CAST: variants seen among roughly 807,000 people sequenced by gnomAD.
CAST encodes MIR583 host.
Under a neutral mutation model 119.6 loss-of-function variants are expected in CAST, and 76 were observed. The ratio of observed to expected loss-of-function variants is 0.64; its 90% CI spans 0.53 to 0.77. The LOEUF is 0.77. Among genes scored for constraint, CAST ranks in the 30% least tolerant of loss-of-function variants. CAST has a pLI of 0.00. For synonymous variants in CAST, 319 were observed against 331.6 expected, an observed-to-expected ratio of 0.96 and a Z score of 0.41; for missense variants, 953 against 946.5, an observed-to-expected ratio of 1.01 and a Z score of -0.09.
the CAST span, among the ~76,000 whole-genome samples, chr5:96,118,530 TTATAAATACCTTAA>T: frequency 6.6e-6 from 1 of 152,184 alleles, no homozygotes; most frequent in African/African-American, 2.4e-5. Flanking sequence ...ATTAGGTCAC[TTATAAATACCTTAA>T]AAATATTTAC....
intron 2 of CAST, among the ~76,000 whole-genome samples, chr5:96,676,517 G>C (rs1580925086): frequency 6.6e-6 from 1 of 152,080 alleles, no homozygotes; most frequent in South Asian, 2.1e-4. Flanking sequence ...CTGTACTAAA[G>C]TTTATGCCTC....
the CAST span, among the ~76,000 whole-genome samples, chr5:96,358,838 C>G: frequency 6.6e-6 from 1 of 152,116 alleles, no homozygotes; most frequent in Non-Finnish European, 1.5e-5. Context: ...CTGTAGATGT[C>G]TCTTAGGTCT....
rs763104847 is a variant in CAST, at chr5:96,729,166, A to T, written c.392A>T (p.His131Leu). 8 of 1,598,302 alleles carry T rather than the reference A, an allele frequency of 5.0e-6. No homozygotes were observed. In the South Asian group the frequency reaches 8.8e-5, roughly 18 times the overall value. The change falls in exon 7 of 32, where the codon CAT (histidine) becomes CTT (leucine). Residue 131 changes from histidine (H) to leucine (L), a missense_variant. Coordinates refer to ENST00000675179, the MANE Select transcript of CAST (RefSeq NM_001750.7). The part of the protein sequence containing the change: ...KSQSTKLSVV[H>L]EKKSQEGKPK... ...TGAAATTGACAGCTGTCTGTGGTTC[A>T]TGAGAAAAAATCCCAAGAAGGAAAG...
the CAST span, among the ~76,000 whole-genome samples, chr5:96,276,761 T>C: frequency 3.9e-5 from 6 of 152,216 alleles, no homozygotes; most frequent in Admixed American, 1.3e-4. Flanking sequence ...TATGAATGCA[T>C]CTAATATTAT....
chr5:96,611,971 G>A (rs1420367888), intron 1 of CAST, among the ~76,000 whole-genome samples: 1 of 152,076 alleles, frequency 6.6e-6, no homozygotes, highest in East Asian at 1.9e-4. Context: ...CAGAGAAAAG[G>A]GAACACCTAT....
chr5:96,300,313 T>TA, the CAST span, among the ~76,000 whole-genome samples: 1 of 152,192 alleles, frequency 6.6e-6, no homozygotes, highest in East Asian at 1.9e-4. Context: ...ATTCTTTTTT[T>TA]ATATGAATAT....
chr5:96,579,359 G>T (rs536771748), intron 1 of CAST, among the ~76,000 whole-genome samples: 1 of 152,304 alleles, frequency 6.6e-6, no homozygotes, highest in South Asian at 2.1e-4. Context: ...CTCTAGCTTA[G>T]GTATATTTCG....
chr5:96,198,396 T>C, the CAST span, among the ~76,000 whole-genome samples: 2 of 152,306 alleles, frequency 1.3e-5, no homozygotes, highest in South Asian at 2.1e-4. Flanking sequence ...CTCATACTTA[T>C]TTGCTTTAAT....
chr5:96,348,224 A>G, the CAST span, among the ~76,000 whole-genome samples: 1 of 152,102 alleles, frequency 6.6e-6, no homozygotes, highest in African/African-American at 2.4e-5. Flanking sequence ...AAATAAAGCC[A>G]AGTAAAGAAA....
At chr5:96,539,366 G>T (rs1745874865) in intron 1 of CAST, among the ~76,000 whole-genome samples, 2 of 152,074 alleles carry the variant, frequency 1.3e-5, no homozygotes, top group South Asian at 4.2e-4. Flanking sequence ...TTAGTTAATT[G>T]ACATTTTATT....
intron 5 of CAST, 121 bp downstream of exon 5, chr5:96,726,980 T>C: frequency 1.4e-6 from 1 of 695,404 alleles, no homozygotes; most frequent in Non-Finnish European, 2.5e-6. Context: ...TCATGGACTT[T>C]CTGTAGGCTT....
chr5:96,518,835 A>G, the CAST span, among the ~76,000 whole-genome samples: 1 of 152,186 alleles, frequency 6.6e-6, no homozygotes, highest in African/African-American at 2.4e-5. Context: ...CAAGATGGTG[A>G]AACCCCATTT....
chr5:96,551,542 T>G (rs1299130817), intron 1 of CAST, among the ~76,000 whole-genome samples: 1 of 152,108 alleles, frequency 6.6e-6, no homozygotes, highest in Non-Finnish European at 1.5e-5. Flanking sequence ...AGCATCACAA[T>G]GAAAGGATCA....
chr5:96,036,817 C>T, the CAST span, among the ~76,000 whole-genome samples: 3 of 152,022 alleles, frequency 2.0e-5, no homozygotes, highest in Admixed American at 6.6e-5. Flanking sequence ...TTCATTATCC[C>T]AAGATAAACT....
At chr5:96,635,906 C>T (rs1265138368) in intron 1 of CAST, among the ~76,000 whole-genome samples, 5 of 152,196 alleles carry the variant, frequency 3.3e-5, no homozygotes, top group Admixed American at 2.0e-4. Context: ...TTCCCTACTA[C>T]TTCCTAGAAC....
the CAST span, among the ~76,000 whole-genome samples, chr5:96,283,146 GA>G: frequency 1.5e-5 from 2 of 130,258 alleles, no homozygotes; most frequent in Non-Finnish European, 3.2e-5. Flanking sequence ...AAAAAAAAAA[GA>G]AAAAAATTTA....
At chr5:96,086,981 C>T in the CAST span, among the ~76,000 whole-genome samples, 1 of 152,134 alleles carries the variant, frequency 6.6e-6, no homozygotes, top group African/African-American at 2.4e-5. Flanking sequence ...TTGGTTAAAA[C>T]TTCTCTGAAA....
chr5:96,462,458 C>T, the CAST span, among the ~76,000 whole-genome samples: 2 of 152,002 alleles, frequency 1.3e-5, no homozygotes, highest in Non-Finnish European at 2.9e-5. Flanking sequence ...GTAAAATAGG[C>T]ATATTAGTAG....
chr5:96,361,709 A>G, the CAST span, among the ~76,000 whole-genome samples: 3 of 149,904 alleles, frequency 2.0e-5, no homozygotes, highest in South Asian at 6.4e-4. Context: ...CCTCAGTTGG[A>G]AATGTGGAAA....
Sources: allele counts gnomAD v4.1 joint callset (sites outside exome capture counted in the v4.1 genomes callset), GRCh38; gene constraint gnomAD v4.1.1; transcripts MANE v1.5; gene names NCBI Gene and HGNC (gene_info 2026-07-23, HGNC 2026-07-21).